Variants in CLVS1 observed in about 807,000 individuals in gnomAD.
CLVS1 encodes the protein clavesin 1.
Under a neutral mutation model 33.1 loss-of-function variants are expected in CLVS1, and 10 were observed. The ratio of observed to expected loss-of-function variants is 0.30; its 90% CI spans 0.19 to 0.51. CLVS1 has a LOEUF of 0.51. Ranked by LOEUF, CLVS1 falls within the 20% of genes least tolerant of loss-of-function variation. CLVS1 has a pLI of 0.97. For missense variants in CLVS1, 343 were observed against 433.4 expected (o/e 0.79, Z 1.85); for synonymous variants, 163 against 166.1 (o/e 0.98, Z 0.14).
chr8:61,017,934 C>T, the CLVS1 span, among the ~76,000 whole-genome samples: 1 of 152,220 alleles, frequency 6.6e-6, no homozygotes, highest in Non-Finnish European at 1.5e-5. Flanking sequence ...ATCAACTTCA[C>T]TGCATGGTTG....
At chr8:61,223,228 ATT>A (rs1808258774) in intron 2 of CLVS1, among the ~76,000 whole-genome samples, 2 of 152,028 alleles carry the variant, frequency 1.3e-5, no homozygotes, top group African/African-American at 4.8e-5. Flanking sequence ...TCAAGATGCT[ATT>A]TGGTTATTTT....
At chr8:61,462,968 A>G (rs1387084843) in intron 5 of CLVS1, among the ~76,000 whole-genome samples, 3 of 152,192 alleles carry the variant, frequency 2.0e-5, no homozygotes, top group Non-Finnish European at 4.4e-5. Context: ...GAAGAAGTCT[A>G]TTCTTCCAAT....
At chr8:61,125,837 G>T (rs1167614768) in intron 1 of CLVS1, among the ~76,000 whole-genome samples, 1 of 152,132 alleles carries the variant, frequency 6.6e-6, no homozygotes, top group Non-Finnish European at 1.5e-5. Flanking sequence ...GAAATACAAT[G>T]ACACATAATG....
At chr8:61,291,137 C>A (rs1015572469) in intron 1 of CLVS1, among the ~76,000 whole-genome samples, 1 of 152,142 alleles carries the variant, frequency 6.6e-6, no homozygotes, top group Non-Finnish European at 1.5e-5. Flanking sequence ...ATTTTTCTTC[C>A]CTAAGTCTGA....
intron 2 of CLVS1, among the ~76,000 whole-genome samples, chr8:61,364,471 C>T (rs1813108958): frequency 6.6e-6 from 1 of 152,204 alleles, no homozygotes; most frequent in African/African-American, 2.4e-5. Flanking sequence ...GAATGTATTA[C>T]CTATAAAGAT....
intron 3 of CLVS1, among the ~76,000 whole-genome samples, chr8:61,441,662 G>A (rs1414442078): frequency 3.9e-5 from 6 of 152,238 alleles, no homozygotes; most frequent in Non-Finnish European, 4.4e-5. Context: ...CTGAGCCAAC[G>A]GCCACGGGTG....
intron 2 of CLVS1, among the ~76,000 whole-genome samples, chr8:61,263,442 C>CACT (rs1251084433): frequency 6.6e-6 from 1 of 152,128 alleles, no homozygotes; most frequent in Non-Finnish European, 1.5e-5. Context: ...AATGAAGCCC[C>CACT]ACTGGGTAGC....
intron 3 of CLVS1, among the ~76,000 whole-genome samples, chr8:61,447,451 T>C (rs1275490148): frequency 6.6e-6 from 1 of 151,972 alleles, no homozygotes; most frequent in Non-Finnish European, 1.5e-5. Flanking sequence ...GTTCTGCCTT[T>C]CTCTATTTTG....
At chr8:61,057,252 C>G (rs993948468) in intron 1 of CLVS1, 1 of 152,242 alleles carries the variant, frequency 6.6e-6, no homozygotes, top group South Asian at 2.1e-4. Flanking sequence ...TAGCTAACCT[C>G]TGGCATTTTC....
chr8:61,029,235 G>T, the CLVS1 span, among the ~76,000 whole-genome samples: 1 of 152,194 alleles, frequency 6.6e-6, no homozygotes, highest in African/African-American at 2.4e-5. Context: ...TCTAACCCAG[G>T]TTTATTTGTC....
intron 2 of CLVS1, among the ~76,000 whole-genome samples, chr8:61,170,008 AT>A (rs1806959660): frequency 6.6e-6 from 1 of 152,210 alleles, no homozygotes; most frequent in Admixed American, 6.5e-5. Flanking sequence ...AGTATAATTA[AT>A]ATATAATAAG....
intron 2 of CLVS1, among the ~76,000 whole-genome samples, chr8:61,253,089 T>C (rs1808987630): frequency 2.0e-5 from 3 of 152,232 alleles, no homozygotes; most frequent in Non-Finnish European, 4.4e-5. Context: ...TAGTGCTTCC[T>C]TCAGGAGCTC....
rs762761783 is a variant in CLVS1 at position 61,292,412 on chromosome 8, A to G, written c.-152+4274A>G. The G allele has an allele frequency of 7.9e-5, 36 of 456,196 alleles. No individual in the cohort carries two copies. The Middle Eastern group carries it at 3.6e-3, about 45-fold the overall frequency. The allele number at this position is 456,196 out of a possible 1,614,324, so 28.3% of individuals were successfully genotyped here. A position where few individuals can be genotyped will look rare whatever the true frequency, so the allele number is the denominator to read the frequency against. ...GTTACATGGATCTGCTGGGAAAACAATTAGTGGAAAAGGGGGCAAATAGAG... is the reference window on the plus strand; with the variant it reads ...GTTACATGGATCTGCTGGGAAAACAGTTAGTGGAAAAGGGGGCAAATAGAG... On this transcript the variant is annotated intron_variant, in intron 1 of 5. Coordinates refer to ENST00000325897, the MANE Select transcript of CLVS1 (RefSeq NM_173519.3).
chr8:61,109,896 C>T (rs558373950), intron 1 of CLVS1, among the ~76,000 whole-genome samples: 2 of 152,306 alleles, frequency 1.3e-5, no homozygotes, highest in East Asian at 3.9e-4. Flanking sequence ...CAATCCCCAC[C>T]AGCAAGAAGA....
chr8:61,409,610 ATGTT>A (rs1362798964), intron 3 of CLVS1, among the ~76,000 whole-genome samples: 2 of 152,210 alleles, frequency 1.3e-5, no homozygotes, highest in African/African-American at 2.4e-5. Flanking sequence ...GCAGCAGTGA[ATGTT>A]TGTTCATAAC....
chr8:61,447,092 A>G (rs539788786), intron 3 of CLVS1, among the ~76,000 whole-genome samples: 2 of 152,176 alleles, frequency 1.3e-5, no homozygotes, highest in South Asian at 2.1e-4. Flanking sequence ...ATAAATATCA[A>G]TTGACTTCTG....
intron 5 of CLVS1, among the ~76,000 whole-genome samples, chr8:61,476,281 C>T (rs1366592902): frequency 1.3e-5 from 2 of 152,124 alleles, no homozygotes; most frequent in African/African-American, 4.8e-5. Context: ...GCAATGTGGG[C>T]TCTTTTTGGG....
At chr8:61,395,418 A>T (rs1338844680) in intron 3 of CLVS1, among the ~76,000 whole-genome samples, 1 of 152,172 alleles carries the variant, frequency 6.6e-6, no homozygotes, top group Admixed American at 6.6e-5. Context: ...GTTAATAATA[A>T]TGTATCGTAT....
intron 1 of CLVS1, among the ~76,000 whole-genome samples, chr8:61,298,380 C>T (rs879370570): frequency 6.6e-5 from 10 of 151,878 alleles, no homozygotes; most frequent in South Asian, 2.1e-4. Context: ...TTTGCAAAGC[C>T]GATATTTTAT....
Sources: gnomAD v4.1 joint callset for allele counts (sites outside exome capture counted in the v4.1 genomes callset) on GRCh38, gnomAD v4.1.1 for gene constraint, MANE v1.5 for transcripts, NCBI Gene and HGNC (gene_info 2026-07-23, HGNC 2026-07-21) for gene names.